DYM: variants seen among roughly 807,000 people sequenced by gnomAD.
DYM encodes the protein dyggve-Melchior-Clausen syndrome protein.
Under a neutral mutation model 93.1 loss-of-function variants are expected in DYM, and 78 were observed. That is an observed-to-expected ratio of 0.84 (90% CI 0.70 to 1.01). The LOEUF (loss-of-function observed/expected upper bound fraction) is 1.01. Ranked by LOEUF, DYM falls within the 50% of genes least tolerant of loss-of-function variation. DYM has a pLI of 0.00. For missense variants in DYM, 789 were observed against 845.0 expected, an observed-to-expected ratio of 0.93 and a Z score of 0.82; for synonymous variants, 321 against 319.7, an observed-to-expected ratio of 1.00 and a Z score of -0.04.
chr18:49,095,433 G>A (rs146961145), intron 17 of DYM, among the ~76,000 whole-genome samples: 2 of 151,514 alleles, frequency 1.3e-5, no homozygotes, highest in Non-Finnish European at 2.9e-5. Context: ...ATCTTTTCTA[G>A]TACTGGTGAT....
At chr18:49,412,547 T>C (rs993349652) in intron 2 of DYM, among the ~76,000 whole-genome samples, 4 of 152,202 alleles carry the variant, frequency 2.6e-5, no homozygotes, top group South Asian at 4.1e-4. Flanking sequence ...TCTCAAATTA[T>C]TTATTCCCTG....
chr18:49,359,069 A>T (rs1568312149), intron 6 of DYM, among the ~76,000 whole-genome samples: 1 of 152,152 alleles, frequency 6.6e-6, no homozygotes, highest in African/African-American at 2.4e-5. Flanking sequence ...AGACAGTGTC[A>T]CAAATTCCGA....
At chr18:49,215,974 G>A (rs915001539) in intron 13 of DYM, among the ~76,000 whole-genome samples, 1 of 152,102 alleles carries the variant, frequency 6.6e-6, no homozygotes, top group South Asian at 2.1e-4. Flanking sequence ...AAGCGCAAGG[G>A]GTCAGGGAGT....
chr18:49,284,671 T>C (rs773845538), intron 9 of DYM, among the ~76,000 whole-genome samples: 44 of 152,322 alleles, frequency 2.9e-4, no homozygotes, highest in Admixed American at 5.9e-4. Context: ...TCTGAAGCGA[T>C]AGAGGTATGG....
chr18:49,248,226 T>C (rs2094211709), intron 13 of DYM, among the ~76,000 whole-genome samples: 1 of 152,242 alleles, frequency 6.6e-6, no homozygotes, highest in African/African-American at 2.4e-5. Context: ...GAGATCTTCA[T>C]TTTCTTTGTT....
At chr18:49,202,988 T>C (rs1400822801) in intron 14 of DYM, among the ~76,000 whole-genome samples, 1 of 79,636 alleles carries the variant, frequency 1.3e-5, no homozygotes, top group East Asian at 4.5e-4. Context: ...AGCCGTGCCA[T>C]CCGGGAGGGA....
chr18:49,130,137 G>A (rs560695138), intron 15 of DYM, among the ~76,000 whole-genome samples: 24 of 152,268 alleles, frequency 1.6e-4, no homozygotes, highest in Admixed American at 3.9e-4. Context: ...GGACTCTCCA[G>A]GATTGAGGCT....
chr18:49,071,041 ACT>A (rs760299469), intron 17 of DYM, among the ~76,000 whole-genome samples: 3 of 152,172 alleles, frequency 2.0e-5, no homozygotes, highest in South Asian at 2.1e-4. Context: ...AAAAATAATC[ACT>A]GATTTTTCAT....
intron 6 of DYM, among the ~76,000 whole-genome samples, chr18:49,361,838 G>A (rs2066051479): frequency 6.6e-6 from 1 of 152,088 alleles, no homozygotes; most frequent in Admixed American, 6.6e-5. Context: ...CGATTCTCCT[G>A]CATCAGCCTC....
At chr18:49,412,236 TAAAA>T (rs67065136) in intron 2 of DYM, among the ~76,000 whole-genome samples, 1 of 135,094 alleles carries the variant, frequency 7.4e-6, no homozygotes, top group Non-Finnish European at 1.6e-5. Context: ...AACATTGACT[TAAAA>T]AAAAAAAAAA....
At chr18:49,259,733 A>G (rs1249145270) in intron 11 of DYM, among the ~76,000 whole-genome samples, 1 of 152,230 alleles carries the variant, frequency 6.6e-6, no homozygotes, top group Non-Finnish European at 1.5e-5. Context: ...ATTATACGGA[A>G]GATTTGTTTT....
chr18:49,111,203 T>A (rs1205016410), intron 16 of DYM, among the ~76,000 whole-genome samples: 1 of 152,030 alleles, frequency 6.6e-6, no homozygotes, highest in African/African-American at 2.4e-5. Flanking sequence ...TTTTTTTTTT[T>A]AAACAACCCT....
At chr18:49,284,086 A>C (rs2095058794) in intron 9 of DYM, among the ~76,000 whole-genome samples, 1 of 152,204 alleles carries the variant, frequency 6.6e-6, no homozygotes, top group Non-Finnish European at 1.5e-5. Context: ...GGAAGATTCT[A>C]GACACACTAC....
At chr18:49,088,677 GGA>G (rs1405367100) in intron 17 of DYM, among the ~76,000 whole-genome samples, 1 of 152,070 alleles carries the variant, frequency 6.6e-6, no homozygotes, top group Non-Finnish European at 1.5e-5. Flanking sequence ...TCAAACTCAA[GGA>G]CTTAATTTGG....
chr18:49,203,378 C>A (rs1396088261), intron 14 of DYM, among the ~76,000 whole-genome samples: 6 of 134,546 alleles, frequency 4.5e-5, no homozygotes, highest in Non-Finnish European at 9.6e-5. Context: ...TGAGAACGGG[C>A]CAGGATGACA....
At chr18:49,411,733 C>T (rs895936954) in intron 2 of DYM, among the ~76,000 whole-genome samples, 8 of 152,160 alleles carry the variant, frequency 5.3e-5, no homozygotes, top group Admixed American at 3.9e-4. Context: ...CTGAAAGTTC[C>T]GCCATAAAAT....
intron 14 of DYM, among the ~76,000 whole-genome samples, chr18:49,183,960 C>T (rs1474282085): frequency 2.6e-5 from 4 of 152,204 alleles, no homozygotes; most frequent in African/African-American, 4.8e-5. Context: ...CAGCCATCTG[C>T]AGCCCAAGGG....
intron 15 of DYM, among the ~76,000 whole-genome samples, chr18:49,162,083 C>T (rs954161137): frequency 6.6e-6 from 1 of 152,200 alleles, no homozygotes; most frequent in African/African-American, 2.4e-5. Context: ...TTCATCAAAG[C>T]CATATTCCAA....
At chr18:49,362,135 G>A (rs1413399432) in intron 6 of DYM, among the ~76,000 whole-genome samples, 1 of 151,782 alleles carries the variant, frequency 6.6e-6, no homozygotes, top group East Asian at 1.9e-4. Flanking sequence ...CAAAGTGCTG[G>A]GATTACAGGC....
Sources: allele counts gnomAD v4.1 joint callset (sites outside exome capture counted in the v4.1 genomes callset), GRCh38; gene constraint gnomAD v4.1.1; transcripts MANE v1.5; gene names NCBI Gene and HGNC (gene_info 2026-07-23, HGNC 2026-07-21).